PHF20: variants seen among roughly 807,000 people sequenced by gnomAD.
The protein encoded by PHF20 is glioma-expressed antigen 2.
Under a neutral mutation model 113.5 loss-of-function variants are expected in PHF20, and 23 were observed. The ratio of observed to expected loss-of-function variants is 0.20; its 90% confidence interval spans 0.15 to 0.29. The LOEUF is 0.29. PHF20 is among the 10% of genes least tolerant of loss of function. The probability of loss-of-function intolerance (pLI) is 1.00; values close to 1 mark genes in which losing one functional copy is unlikely to be tolerated. For synonymous variants in PHF20, 434 were observed against 457.3 expected (o/e 0.95, Z 0.65); for missense variants, 943 against 1,219.6 (o/e 0.77, Z 3.38).
chr20:35,810,706 T>C (rs12479473), intron 2 of PHF20, among the ~76,000 whole-genome samples: 15,885 of 152,218 alleles, frequency 0.1, 870 homozygotes, highest in South Asian at 0.16. Flanking sequence ...GTCTGAATGT[T>C]CCTGACTCCT....
chr20:35,815,583 A>G lies in PHF20; in HGVS notation c.83+13978A>G, dbSNP rs946272789. Among the ~76,000 whole-genome samples the G allele has an allele frequency of 7.9e-5, 12 of 152,114 alleles. 1 individual carries two copies. The highest frequency in any genetic ancestry group is 6.6e-4 in the Admixed American group (10 of 15,258). ...CTGGTTCAGGTGATTCTCCTGCCTC[A>G]GTCTCCTGAGTAGCTGGGACTACAG... On this transcript the variant is annotated intron_variant, in intron 2 of 17. Coordinates refer to ENST00000374012, the MANE Select transcript of PHF20 (RefSeq NM_016436.5).
chr20:35,780,994 C>T (rs1284691217), intron 1 of PHF20, among the ~76,000 whole-genome samples: 1 of 150,412 alleles, frequency 6.6e-6, no homozygotes, highest in Non-Finnish European at 1.5e-5. Context: ...GCTGGGATTA[C>T]AGGCATGTGC....
intron 1 of PHF20, chr20:35,782,249 T>G (rs1375195143): frequency 7.3e-6 from 1 of 136,818 alleles, no homozygotes; most frequent in Admixed American, 8.2e-5. Flanking sequence ...GCCACTTTTC[T>G]TTTTCTTGTT....
intron 13 of PHF20, among the ~76,000 whole-genome samples, chr20:35,922,494 T>C (rs1483014566): frequency 2.0e-5 from 3 of 152,216 alleles, no homozygotes; most frequent in African/African-American, 7.2e-5. Context: ...TATAGAGAAA[T>C]AACTTTTTGG....
At chr20:35,904,810 T>TC (rs1449964854) in intron 10 of PHF20, among the ~76,000 whole-genome samples, 2 of 26,374 alleles carry the variant, frequency 7.6e-5, no homozygotes, top group Admixed American at 3.6e-4. Context: ...TCCTTTCTTT[T>TC]CTTTCTTTCT....
At chr20:35,794,117 A>G (rs1198346795) in intron 1 of PHF20, among the ~76,000 whole-genome samples, 2 of 151,652 alleles carry the variant, frequency 1.3e-5, no homozygotes, top group African/African-American at 4.8e-5. Flanking sequence ...CCTGACCAAT[A>G]TGGAGAAACC....
At chr20:35,807,169 A>T (rs1000467565) in intron 2 of PHF20, among the ~76,000 whole-genome samples, 1 of 151,990 alleles carries the variant, frequency 6.6e-6, no homozygotes, top group African/African-American at 2.4e-5. Flanking sequence ...TTTTGAAGTA[A>T]ATTGTATTTA....
chr20:35,834,710 C>T (rs1159576740), intron 2 of PHF20, among the ~76,000 whole-genome samples: 1 of 152,056 alleles, frequency 6.6e-6, no homozygotes, highest in Non-Finnish European at 1.5e-5. Flanking sequence ...TTCTGTGTCT[C>T]CAGGACCTAG....
In PHF20 at chr20:35,772,026, A is replaced by C. The variant is rs2041063321; in HGVS notation, c.-86A>C. 1 of 152,158 alleles carries C rather than the reference A, an allele frequency of 6.6e-6. No individual in the cohort carries two copies. The highest frequency in any genetic ancestry group is 6.6e-5 in the Admixed American group (1 of 15,262). 9.4% of individuals were successfully genotyped at this position (152,158 alleles called of 1,614,324 possible). On this transcript the variant is annotated 5_prime_UTR_variant, in exon 1 of 18. Transcript: ENST00000374012. ...GGGGGTCACGTGGTGCAGAGCACGC[A>C]GAGTCCTTCTGTCGGTTGGTCCTGG...
rs550735523 is a variant in PHF20 at position 35,847,005 on chromosome 20, C to T, written c.256-345C>T. On this transcript the variant is annotated intron_variant, in intron 3 of 17. Coordinates refer to ENST00000374012, the MANE Select transcript of PHF20 (RefSeq NM_016436.5). ...AGGAGACTTGCTTTGTAACAACTTG[C>T]TTTCTTGGGAATGAATCCATTCCCA... Among the ~76,000 whole-genome samples the T allele has an allele frequency of 2.6e-5, 4 of 152,222 alleles. No individual in the cohort carries two copies. In the East Asian group the frequency reaches 7.7e-4, roughly 29 times the overall value.
chr20:35,854,324 C>A (rs1411398416), intron 4 of PHF20, among the ~76,000 whole-genome samples: 1 of 152,134 alleles, frequency 6.6e-6, no homozygotes, highest in Non-Finnish European at 1.5e-5. Flanking sequence ...AGTCTAAGGA[C>A]AAAAACTCCT....
chr20:35,897,949 C>T (rs2055020416), intron 9 of PHF20, among the ~76,000 whole-genome samples: 1 of 151,476 alleles, frequency 6.6e-6, no homozygotes, highest in African/African-American at 2.4e-5. Context: ...GATCTTGGCT[C>T]ACTGCAACCT....
chr20:35,917,780 C>T (rs1176816046), intron 13 of PHF20, 118 bp downstream of exon 13: 1 of 817,972 alleles, frequency 1.2e-6, no homozygotes, highest in East Asian at 2.6e-5. Context: ...GCACGAACGG[C>T]AGCAGACTGA....
At position 35,836,571 on chromosome 20, in the gene PHF20, G is replaced by A. The variant is rs548041230; in HGVS notation, c.84-6002G>A. Among the ~76,000 whole-genome samples the A allele has an allele frequency of 3.3e-5, 5 of 152,256 alleles. No homozygotes were observed. In the East Asian group the frequency reaches 5.8e-4, roughly 18 times the overall value. ...TTTTTAAACTTTTAATTTGCCGGGCGCAGTGGCTCACGCCTGTAATCGCAG... is the reference window on the plus strand; with the variant it reads ...TTTTTAAACTTTTAATTTGCCGGGCACAGTGGCTCACGCCTGTAATCGCAG... On this transcript the variant is annotated intron_variant, in intron 2 of 17. Transcript: ENST00000374012.
chr20:35,859,609 A>C (rs1042293764), intron 5 of PHF20, among the ~76,000 whole-genome samples: 1 of 151,582 alleles, frequency 6.6e-6, no homozygotes, highest in Non-Finnish European at 1.5e-5. Flanking sequence ...CAGTGGCGCA[A>C]TCTTGGCCCA....
At chr20:35,882,749 A>G (rs6060659) in intron 9 of PHF20, among the ~76,000 whole-genome samples, 24 of 152,318 alleles carry the variant, frequency 1.6e-4, no homozygotes, top group African/African-American at 5.5e-4. Flanking sequence ...TAATTAGGCC[A>G]GGCACAGTGG....
intron 1 of PHF20, among the ~76,000 whole-genome samples, chr20:35,786,886 T>C (rs1164006382): frequency 6.6e-6 from 1 of 152,152 alleles, no homozygotes; most frequent in Admixed American, 6.6e-5. Flanking sequence ...GTAATAATAG[T>C]TCCCACGTTT....
At chr20:35,945,828 T>G (rs182947721) in intron 17 of PHF20, among the ~76,000 whole-genome samples, 129 of 152,252 alleles carry the variant, frequency 8.5e-4, no homozygotes, top group African/African-American at 2.9e-3. Context: ...TTCTAGATAT[T>G]GAACCAATGA....
At chr20:35,876,496 G>A (rs1444488153) in intron 9 of PHF20, among the ~76,000 whole-genome samples, 1 of 151,992 alleles carries the variant, frequency 6.6e-6, no homozygotes, top group Non-Finnish European at 1.5e-5. Flanking sequence ...GCTTGAACCT[G>A]GGAGGTGGAG....
Sources: allele counts gnomAD v4.1 joint callset (sites outside exome capture counted in the v4.1 genomes callset), GRCh38; gene constraint gnomAD v4.1.1; transcripts MANE v1.5; gene names NCBI Gene and HGNC (gene_info 2026-07-23, HGNC 2026-07-21).